The following NPR1 variants were observed in gnomAD, a reference collection of about 807,000 sequenced individuals.
The protein encoded by NPR1 is natriuretic peptide receptor 1, also known as atrial natriuretic peptide receptor 1.
In NPR1, 57 loss-of-function variants were observed where a neutral mutation model predicts 116.9. That is an observed-to-expected ratio of 0.49 (90% CI 0.39 to 0.61). The LOEUF is 0.61. Ranked by LOEUF, NPR1 falls within the 20% of genes least tolerant of loss-of-function variation. NPR1 has a pLI of 0.00. For missense variants in NPR1, 1,096 were observed against 1,409.8 expected (o/e 0.78, Z 3.56); for synonymous variants, 555 against 601.6 (o/e 0.92, Z 1.13).
chr1:153,691,417 A>C (rs1670105615), intron 20 of NPR1, among the ~76,000 whole-genome samples: 2 of 152,184 alleles, frequency 1.3e-5, no homozygotes. Context: ...CATGGCCCAG[A>C]TCCAGAGTTA....
Position 153,689,960 on chromosome 1 carries a change from T to C in NPR1, c.2912T>C (p.Leu971Ser), listed in dbSNP as rs1670050319. ...CACCGGCCCCAGGAGCAGCTGCGCT[T>C]GCGCATTGGCATCCACACAGGTAAG... ...IRHRPQEQLRLRIGIHTGPVC... is the reference protein window; with the variant it reads ...IRHRPQEQLRSRIGIHTGPVC... Residue 971 changes from leucine (L) to serine (S), a missense_variant, in exon 19 of 22, where the codon TTG becomes TCG. Physicochemically the swap from Leu to Ser is moderately radical, Grantham distance 145. Transcript: ENST00000368680. The surrounding 1 kb of genome is among the most constrained non-coding windows in gnomAD (Gnocchi z 5.1). 6.5e-7 allele frequency: 1 copy of C among 1,536,666 alleles called. No homozygotes were observed. The highest frequency in any genetic ancestry group is 1.2e-5 in the South Asian group (1 of 83,316).
Position 153,688,300 on chromosome 1 carries a change from T to C in NPR1, c.2417+79T>C, listed in dbSNP as rs1042556278. 10 of 1,490,700 alleles carry C rather than the reference T, an allele frequency of 6.7e-6. No individual in the cohort carries two copies. In the African/African-American group the frequency reaches 1.4e-4, roughly 21 times the overall value. The allele number at this position is 1,490,700 out of a possible 1,614,324, so 92.3% of individuals were successfully genotyped here. A position where few individuals can be genotyped will look rare whatever the true frequency, so the allele number is the denominator to read the frequency against. On this transcript the variant is annotated intron_variant, in intron 15 of 21. Coordinates refer to ENST00000368680, the MANE Select transcript of NPR1 (RefSeq NM_000906.4). Reference sequence around the variant, plus strand: ...ACCTAATGCTTCTGGCTCTGGCTTATCCCAGCAGTGGCAGAGGGAGACCAC... The same window carrying C: ...ACCTAATGCTTCTGGCTCTGGCTTACCCCAGCAGTGGCAGAGGGAGACCAC...
At chr1:153,688,827 C>T (rs779421620) in intron 15 of NPR1, 126 bp from the exon 16 acceptor site, 40 of 1,144,332 alleles carry the variant, frequency 3.5e-5, no homozygotes, top group Non-Finnish European at 5.0e-5. Flanking sequence ...TCCTGCTATG[C>T]CCTCAACCCT....
rs377360725 is a variant in NPR1 at position 153,687,799 on chromosome 1, G to A, written c.2248+10G>A. On this transcript the variant is annotated intron_variant, in intron 14 of 21. Transcript: ENST00000368680. ...GACCTGAGCCCCAAAGGTGAGAGGA[G>A]CACACCTTCCTTAAACCCAGCCACA... The A allele has an allele frequency of 1.9e-6, 3 of 1,568,860 alleles. No homozygotes were observed. Among genetic ancestry groups the A allele is most frequent in the Admixed American group, 1.8e-5 (1 of 54,846 alleles).
chr1:153,688,249 A>G (rs1669990061), intron 15 of NPR1, 28 bp downstream of exon 15: 2 of 1,603,288 alleles, frequency 1.2e-6, no homozygotes, highest in Non-Finnish European at 1.7e-6. Flanking sequence ...TGGATCCCCC[A>G]GGCCCTTCCT....
intron 19 of NPR1, 120 bp from the exon 20 acceptor site, chr1:153,690,164 C>CAA: frequency 2.4e-6 from 2 of 828,470 alleles, no homozygotes; most frequent in Non-Finnish European, 3.9e-6. Context: ...CACACACACA[C>CAA]ACAGAGCTGG....
rs1320046844 is a variant in NPR1 at position 153,689,897 on chromosome 1, T to C, written c.2849T>C (p.Leu950Pro). Residue 950 changes from leucine (L) to proline (P), a missense_variant, in exon 19 of 22, where the codon CTG becomes CCG. Physicochemically the swap from Leu to Pro is moderately conservative, Grantham distance 98 (BLOSUM62 -3). Coordinates refer to ENST00000368680, the MANE Select transcript of NPR1 (RefSeq NM_000906.4). This position sits in a 1 kb window ranked among gnomAD's most constrained non-coding sequence, Gnocchi z 5.1. ...LHACEVARMA[L>P]ALLDAVRSFR... ...GCCTGCGAGGTAGCCCGCATGGCCC[T>C]GGCACTGCTGGATGCTGTGCGCTCC... 6.4e-7 allele frequency: 1 copy of C among 1,574,508 alleles called. No individual in the cohort carries two copies. The highest frequency in any genetic ancestry group is 8.6e-7 in the Non-Finnish European group (1 of 1,158,632).
intron 15 of NPR1, 64 bp downstream of exon 15, chr1:153,688,285 T>C (rs1179953079): frequency 3.9e-6 from 6 of 1,541,696 alleles, no homozygotes; most frequent in Non-Finnish European, 5.3e-6. Flanking sequence ...ACCTAATGCT[T>C]CTGGCTCTGG....
intron 19 of NPR1, 23 bp downstream of exon 19, chr1:153,690,003 C>A (rs368810883): frequency 6.8e-7 from 1 of 1,480,456 alleles, no homozygotes; most frequent in East Asian, 2.5e-5. Context: ...AAGGTGCAGG[C>A]GGGCATCCAG....
intron 7 of NPR1, 81 bp downstream of exon 7, chr1:153,683,905 G>C: frequency 7.9e-7 from 1 of 1,270,718 alleles, no homozygotes; most frequent in Non-Finnish European, 1.1e-6. Context: ...GACCCAGAGG[G>C]AAGAGGGCAG....
chr1:153,686,978 T>A (rs147084441), intron 11 of NPR1, 38 bp from the exon 12 acceptor site: 5 of 1,600,600 alleles, frequency 3.1e-6, no homozygotes, highest in Middle Eastern at 1.7e-4. Flanking sequence ...CCCAGGGGGA[T>A]CTGCAGGGGA....
At chr1:153,684,693 TG>T (rs1669878074) in intron 7 of NPR1, among the ~76,000 whole-genome samples, 1 of 152,126 alleles carries the variant, frequency 6.6e-6, no homozygotes, top group Admixed American at 6.5e-5. Flanking sequence ...CCTGGCCTCA[TG>T]TTCACTATTT....
In NPR1 at chr1:153,693,139, C is replaced by T. The variant is rs1401929704; in HGVS notation, c.3065C>T (p.Ala1022Val). 3 of 1,613,858 alleles carry T rather than the reference C, an allele frequency of 1.9e-6. No individual in the cohort carries two copies. The highest frequency in any genetic ancestry group is 2.5e-6 in the Non-Finnish European group (3 of 1,179,946). Reference protein sequence around the residue: ...LKIHLSSETKAVLEEFGGFEL... With the variant: ...LKIHLSSETKVVLEEFGGFEL... The stretch of plus-strand genomic sequence containing the variant: ...ATCCACTTGTCTTCTGAGACCAAGG[C>T]TGTCCTGGAGGAGTTTGGTGGTTTC... The change falls in exon 21 of 22, where the codon GCT becomes GTT. Residue 1022 changes from alanine (A) to valine (V), a missense_variant. Ala to Val is a moderately conservative substitution (Grantham distance 64, BLOSUM62 0). Transcript: ENST00000368680.
chr1:153,678,893 G>A lies in NPR1; in HGVS notation c.-216G>A. ...CGTTCTCCTGGCACCCACCTGCTCC[G>A]CGGCGCCCTGCGCGCCCCCCTCGGT... is the stretch of plus-strand genomic sequence containing the variant. On this transcript the variant is annotated 5_prime_UTR_variant, in exon 1 of 22. Transcript: ENST00000368680. This position sits in a 1 kb window ranked among gnomAD's most constrained non-coding sequence, Gnocchi z 5.8. The A allele has an allele frequency of 1.8e-6, 1 of 551,204 alleles. No individual in the cohort carries two copies. The highest frequency in any genetic ancestry group is 3.0e-6 in the Non-Finnish European group (1 of 338,460). 34.1% of individuals were successfully genotyped at this position (551,204 alleles called of 1,614,324 possible).
At position 153,680,503 on chromosome 1, in the gene NPR1, A is replaced by G. The variant is rs1669737506; in HGVS notation, c.724A>G (p.Ile242Val). The G allele has an allele frequency of 6.2e-7, 1 of 1,613,772 alleles. No homozygotes were observed. The highest frequency in any genetic ancestry group is 2.2e-5 in the East Asian group (1 of 44,838). Residue 242 changes from isoleucine to valine, a missense_variant and splice_region_variant, in exon 2 of 22, where the codon ATC becomes GTC. Physicochemically the swap from Ile to Val is conservative, Grantham distance 29. Coordinates refer to ENST00000368680, the MANE Select transcript of NPR1 (RefSeq NM_000906.4). ...LRTMPRKGRV[I>V]YICSSPDAFR... The stretch of plus-strand genomic sequence containing the variant: ...TCTGACTCTCCGTCTTTCTCCAGTT[A>G]TCTACATCTGCAGCTCCCCTGATGC...
Position 153,693,932 on chromosome 1 carries a change from G to A in NPR1, c.*518G>A. 1 of 397,430 alleles carries A rather than the reference G, an allele frequency of 2.5e-6. No homozygotes were observed. Among genetic ancestry groups the A allele is most frequent in the Non-Finnish European group, 4.4e-6 (1 of 225,898 alleles). 24.6% of individuals were successfully genotyped at this position (397,430 alleles called of 1,614,324 possible). A position where few individuals can be genotyped will look rare whatever the true frequency, so the allele number is the denominator to read the frequency against. On this transcript the variant is annotated 3_prime_UTR_variant, in exon 22 of 22. Transcript: ENST00000368680. ...AGAAGAGGGGTGGCGCAGAAGGGTT[G>A]GGGGCCTGTATGCCTTGCTTCTACC...
Position 153,679,411 on chromosome 1 carries a change from G to T in NPR1, c.303G>T (p.Ala101=). Residue 101 remains alanine, a synonymous_variant, in exon 1 of 22, where the codon GCG becomes GCT. Transcript: ENST00000368680. This position sits in a 1 kb window ranked among gnomAD's most constrained non-coding sequence, Gnocchi z 4.2. The part of the protein sequence containing the change: ...VCSDTAAPLA[A]VDLKWEHNPA... Reference sequence around the variant, plus strand: ...CCGACACCGCAGCGCCCCTGGCCGCGGTGGACCTCAAGTGGGAGCACAACC... The same window carrying T: ...CCGACACCGCAGCGCCCCTGGCCGCTGTGGACCTCAAGTGGGAGCACAACC... 6.5e-7 allele frequency: 1 copy of T among 1,541,842 alleles called. No homozygotes were observed. Among genetic ancestry groups the T allele is most frequent in the Non-Finnish European group, 8.7e-7 (1 of 1,148,598 alleles).
At chr1:153,692,573 T>C (rs193035729) in intron 20 of NPR1, among the ~76,000 whole-genome samples, 94 of 150,378 alleles carry the variant, frequency 6.3e-4, no homozygotes, top group Admixed American at 3.7e-3. Context: ...AGTGCAGTGG[T>C]GCAATCTCGG....
intron 15 of NPR1, 127 bp downstream of exon 15, chr1:153,688,348 C>T (rs1669993792): frequency 1.1e-6 from 1 of 919,674 alleles, no homozygotes; most frequent in Non-Finnish European, 1.6e-6. Context: ...TGTACATAGT[C>T]AGCTCCAGCT....
Sources: allele counts gnomAD v4.1 joint callset (sites outside exome capture counted in the v4.1 genomes callset), GRCh38; gene constraint gnomAD v4.1.1; non-coding constraint Gnocchi (gnomAD v3.1); transcripts MANE v1.5; gene names NCBI Gene and HGNC (gene_info 2026-07-23, HGNC 2026-07-21).